PGAP2: variants seen among roughly 807,000 people sequenced by gnomAD.
PGAP2 encodes post-GPI attachment to proteins 2, also known as acyltransferase PGAP2.
PGAP2 carries 21 observed loss-of-function variants against 33.2 expected under a neutral mutation model. The ratio of observed to expected loss-of-function variants is 0.63; its 90% CI spans 0.45 to 0.91. PGAP2 has a LOEUF of 0.91. Among genes scored for constraint, PGAP2 ranks in the 40% least tolerant of loss-of-function variants. The pLI is 0.00. For synonymous variants in PGAP2, 161 were observed against 172.9 expected, an observed-to-expected ratio of 0.93 and a Z score of 0.54; for missense variants, 345 against 424.0, an observed-to-expected ratio of 0.81 and a Z score of 1.64.
chr11:3,810,098 A>G lies in PGAP2; in HGVS notation c.-10-1152A>G, dbSNP rs528757568. Among the ~76,000 whole-genome samples, 5 of 152,362 alleles carry G rather than the reference A, an allele frequency of 3.3e-5. No individual in the cohort carries two copies. In the South Asian group the frequency reaches 1.0e-3, roughly 32 times the overall value. On this transcript the variant is annotated intron_variant, in intron 1 of 6. Transcript: ENST00000278243. ...GGGATGGCTTTCCCTTCAGCTCAGCACAGGGCTTTGAGGAAGAGCCAGCCC... is the reference window on the plus strand; with the variant it reads ...GGGATGGCTTTCCCTTCAGCTCAGCGCAGGGCTTTGAGGAAGAGCCAGCCC...
At chr11:3,824,796 T>C in intron 5 of PGAP2, 5 of 1,432,226 alleles carry the variant, frequency 3.5e-6, no homozygotes, top group Non-Finnish European at 4.6e-6. Flanking sequence ...CCCCCTGAAG[T>C]GGAAGCGGCA....
At position 3,817,517 on chromosome 11, in the gene PGAP2, G is replaced by A. The variant is rs201474442; in HGVS notation, c.330G>A (p.Thr110=). Residue 110 remains threonine, a synonymous_variant, in exon 3 of 7, where the codon ACG becomes ACA. Transcript: ENST00000278243. The part of the protein sequence containing the change: ...IWSLVFHFEY[T]VATDCGVPNY... ...CCCTGGTGTTCCACTTTGAGTACACGGTGGCCACTGACTGTGGGGTGAGTG... is the reference window on the plus strand; with the variant it reads ...CCCTGGTGTTCCACTTTGAGTACACAGTGGCCACTGACTGTGGGGTGAGTG... 2.7e-5 allele frequency: 43 copies of A among 1,614,102 alleles called. No individual in the cohort carries two copies. The highest frequency in any genetic ancestry group is 3.3e-5 in the South Asian group (3 of 91,084).
chr11:3,797,855 G>T, exon 1 of PGAP2: 1 of 1,550,606 alleles, frequency 6.4e-7, no homozygotes, highest in Non-Finnish European at 8.7e-7. Context: ...TGGCTAGATT[G>T]GGAAGCACCG....
chr11:3,814,127 G>A (rs1565008361), intron 2 of PGAP2, among the ~76,000 whole-genome samples: 1 of 152,178 alleles, frequency 6.6e-6, no homozygotes, highest in South Asian at 2.1e-4. Context: ...AAGCAAGCTA[G>A]TCCATCATAT....
chr11:3,823,397 C>G (rs1182988161), intron 3 of PGAP2, among the ~76,000 whole-genome samples: 1 of 152,098 alleles, frequency 6.6e-6, no homozygotes, highest in Non-Finnish European at 1.5e-5. Flanking sequence ...GCACACCTGC[C>G]TAGAGGAGTG....
At chr11:3,807,309 GTTTTTT>G (rs200578138), upstream of PGAP2, among the ~76,000 whole-genome samples, 1 of 114,698 alleles carries the variant, frequency 8.7e-6, no homozygotes, top group Non-Finnish European at 1.7e-5. Context: ...ATTTTCACAG[GTTTTTT>G]TTTTTTTTTT....
intron 2 of PGAP2, among the ~76,000 whole-genome samples, chr11:3,814,828 TTC>T (rs1184331635): frequency 3.3e-5 from 5 of 150,366 alleles, no homozygotes; most frequent in African/African-American, 1.2e-4. Flanking sequence ...CTTTCTTTTT[TTC>T]TTTTTTTCCT....
chr11:3,824,778 T>C lies in PGAP2; in HGVS notation c.709-242T>C. 7 of 1,429,420 alleles carry C rather than the reference T, an allele frequency of 4.9e-6. No individual in the cohort carries two copies. In the South Asian group the frequency reaches 9.1e-5, roughly 19 times the overall value. The allele number at this position is 1,429,420 out of a possible 1,614,324, so 88.5% of individuals were successfully genotyped here. Reference sequence around the variant, plus strand: ...GGTGGGTGACTCCATGTAACTTTCATACTCCATCCCCCTGAAGTGGAAGCG... The same window carrying C: ...GGTGGGTGACTCCATGTAACTTTCACACTCCATCCCCCTGAAGTGGAAGCG... On this transcript the variant is annotated intron_variant, in intron 5 of 6. Coordinates refer to ENST00000278243, the MANE Select transcript of PGAP2 (RefSeq NM_014489.4).
intron 1 of PGAP2, among the ~76,000 whole-genome samples, chr11:3,810,939 T>G (rs2085426326): frequency 6.6e-6 from 1 of 152,180 alleles, no homozygotes; most frequent in East Asian, 1.9e-4. Flanking sequence ...TAAAGCAGCT[T>G]CTCTAGTCCT....
At chr11:3,804,838 A>T (rs1047978178), upstream of PGAP2, among the ~76,000 whole-genome samples, 2 of 152,084 alleles carry the variant, frequency 1.3e-5, no homozygotes. Flanking sequence ...AGTAGCTGGG[A>T]TTACAGGCGC....
chr11:3,803,002 T>TTG (rs2083706769), intron 1 of PGAP2, among the ~76,000 whole-genome samples: 1 of 147,300 alleles, frequency 6.8e-6, no homozygotes, highest in African/African-American at 2.5e-5. Flanking sequence ...AATTTTTTTT[T>TTG]TTTCTTTTGG....
At chr11:3,817,857 A>G (rs954501263) in intron 3 of PGAP2, 16 of 510,220 alleles carry the variant, frequency 3.1e-5, no homozygotes, top group African/African-American at 2.9e-4. Context: ...CAGCCTGGGC[A>G]ACATGGTGAA....
At position 3,799,194 on chromosome 11, in the gene PGAP2, A is replaced by G. The variant is rs2083087649; in HGVS notation, c.139+1212A>G. ...GAAAGGTGGGCATTTTCTAGAAACT[A>G]GACCTGTTTAGTGACTGAGAGTCTC... is the stretch of plus-strand genomic sequence containing the variant. On this transcript the variant is annotated intron_variant, in intron 1 of 6. Coordinates refer to the PGAP2 transcript ENST00000300730. Among the ~76,000 whole-genome samples, 5 of 152,216 alleles carry G rather than the reference A, an allele frequency of 3.3e-5. No homozygotes were observed. The South Asian group carries it at 1.0e-3, about 31-fold the overall frequency.
chr11:3,807,960 C>G (rs2084721793), upstream of PGAP2: 1 of 978,044 alleles, frequency 1.0e-6, no homozygotes, highest in East Asian at 5.1e-5. Context: ...GTGGGGAGAC[C>G]CAAGGCTGGT....
At chr11:3,824,474 T>A in intron 5 of PGAP2, 98 bp downstream of exon 5, 1 of 1,590,070 alleles carries the variant, frequency 6.3e-7, no homozygotes, top group Non-Finnish European at 8.6e-7. Context: ...GGAACTGAGT[T>A]CTAATGGGAA....
At chr11:3,817,269 G>A in intron 2 of PGAP2, 84 bp from the exon 3 acceptor site, 1 of 1,032,056 alleles carries the variant, frequency 9.7e-7, no homozygotes. Context: ...CTTATACTCT[G>A]AGGAGCCATC....
At chr11:3,797,853 T>C (rs748970017) in exon 1 of PGAP2, 8 of 1,550,116 alleles carry the variant, frequency 5.2e-6, no homozygotes, top group African/African-American at 2.7e-5. Context: ...AATGGCTAGA[T>C]TGGGAAGCAC....
At chr11:3,818,394 G>A (rs1027599065) in intron 3 of PGAP2, among the ~76,000 whole-genome samples, 1 of 151,674 alleles carries the variant, frequency 6.6e-6, no homozygotes, top group Non-Finnish European at 1.5e-5. Context: ...TAGGGGAAGA[G>A]AAGGGATTGG....
chr11:3,798,899 T>TC (rs2083030732), intron 1 of PGAP2, among the ~76,000 whole-genome samples: 1 of 152,210 alleles, frequency 6.6e-6, no homozygotes, highest in Admixed American at 6.6e-5. Context: ...CGCCTCGGCC[T>TC]CCCACAGTGC....
Sources: allele counts gnomAD v4.1 joint callset (sites outside exome capture counted in the v4.1 genomes callset), GRCh38; gene constraint gnomAD v4.1.1; transcripts MANE v1.5; gene names NCBI Gene and HGNC (gene_info 2026-07-23, HGNC 2026-07-21).